Variants in GLIS3 observed in about 807,000 individuals in gnomAD.
GLIS3 encodes zinc finger protein GLIS3.
Under a neutral mutation model 78.6 loss-of-function variants are expected in GLIS3, and 53 were observed. The ratio of observed to expected loss-of-function variants is 0.67; its 90% CI spans 0.54 to 0.85. GLIS3 has a LOEUF of 0.85. GLIS3 is among the 40% of genes least tolerant of loss of function. The probability of loss-of-function intolerance (pLI) is 0.00; values close to 1 mark genes in which losing one functional copy is unlikely to be tolerated. For missense variants in GLIS3, 1,703 were observed against 1,231.1 expected, an observed-to-expected ratio of 1.38 and a Z score of -5.74; for synonymous variants, 684 against 509.9, an observed-to-expected ratio of 1.34 and a Z score of -4.60.
chr9:4,243,603 G>A (rs991163263), intron 2 of GLIS3, among the ~76,000 whole-genome samples: 1 of 152,176 alleles, frequency 6.6e-6, no homozygotes, highest in Non-Finnish European at 1.5e-5. Context: ...ATATAGCCTA[G>A]ACCTTGGAAG....
At chr9:4,435,451 C>T in the GLIS3 span, among the ~76,000 whole-genome samples, 1 of 152,144 alleles carries the variant, frequency 6.6e-6, no homozygotes, top group African/African-American at 2.4e-5. Context: ...CCTCAGCCTG[C>T]CAGACCAATT....
At chr9:4,486,163 G>A in the GLIS3 span, among the ~76,000 whole-genome samples, 1 of 152,108 alleles carries the variant, frequency 6.6e-6, no homozygotes, top group Non-Finnish European at 1.5e-5. Context: ...AGGAGCTTTA[G>A]GTGTTGTTGG....
At chr9:3,875,026 A>C (rs1821224036) in intron 8 of GLIS3, among the ~76,000 whole-genome samples, 1 of 152,204 alleles carries the variant, frequency 6.6e-6, no homozygotes, top group African/African-American at 2.4e-5. Flanking sequence ...CAGAGGATTT[A>C]TTCTTGGAAT....
At chr9:4,423,012 A>AG in the GLIS3 span, among the ~76,000 whole-genome samples, 1 of 152,250 alleles carries the variant, frequency 6.6e-6, no homozygotes, top group African/African-American at 2.4e-5. Context: ...GTGTGTTCTA[A>AG]GGGTCAGGTG....
chr9:4,484,051 C>T, the GLIS3 span, among the ~76,000 whole-genome samples: 1 of 152,104 alleles, frequency 6.6e-6, no homozygotes. Flanking sequence ...GTTGTTATTA[C>T]CAGCTAAAAT....
chr9:4,289,107 A>G (rs2130370304), intron 1 of GLIS3, among the ~76,000 whole-genome samples: 1 of 152,346 alleles, frequency 6.6e-6, no homozygotes, highest in Admixed American at 6.5e-5. Flanking sequence ...AGACCCTCAT[A>G]GAGTGTGAAT....
At chr9:4,012,765 C>CTTTTTTTT (rs71324278) in intron 4 of GLIS3, among the ~76,000 whole-genome samples, 67 of 66,474 alleles carry the variant, frequency 1.0e-3, no homozygotes, top group South Asian at 2.3e-3. Context: ...TTTTCTTTTT[C>CTTTTTTTT]TTTTTTTTTT....
chr9:3,926,235 T>TG (rs886621743), intron 6 of GLIS3, among the ~76,000 whole-genome samples: 11 of 148,342 alleles, frequency 7.4e-5, no homozygotes, highest in African/African-American at 2.7e-4. Flanking sequence ...TTTCTTTTGT[T>TG]TTTTTTTTTT....
At chr9:3,913,231 T>G (rs1393505934) in intron 6 of GLIS3, among the ~76,000 whole-genome samples, 1 of 152,192 alleles carries the variant, frequency 6.6e-6, no homozygotes, top group Non-Finnish European at 1.5e-5. Context: ...AAGGCTGATT[T>G]TCATGTGCAG....
intron 9 of GLIS3, among the ~76,000 whole-genome samples, chr9:3,848,620 T>C (rs1335683978): frequency 1.3e-5 from 2 of 152,242 alleles, no homozygotes; most frequent in African/African-American, 2.4e-5. Context: ...GAAAGTACCA[T>C]TGCACAATCA....
chr9:3,874,094 C>T lies in GLIS3; in HGVS notation c.2297+5333G>A, dbSNP rs73384234. 2.7e-3 allele frequency among the ~76,000 whole-genome samples: 412 copies of T among 152,314 alleles called. 4 individuals carry two copies. Among genetic ancestry groups the T allele is most frequent in the African/African-American group, 8.6e-3 (357 of 41,578 alleles). On this transcript the variant is annotated intron_variant, in intron 8 of 10. Coordinates refer to ENST00000381971, the MANE Select transcript of GLIS3 (RefSeq NM_001042413.2). Reference sequence around the variant, plus strand: ...TGCTAATTAGTTGACTGATGGCTGGCAGCCTCTGGCTGCCTGAAAGAATGA... The same window carrying T: ...TGCTAATTAGTTGACTGATGGCTGGTAGCCTCTGGCTGCCTGAAAGAATGA...
At chr9:4,275,411 G>C (rs1157771740) in intron 2 of GLIS3, among the ~76,000 whole-genome samples, 2 of 152,254 alleles carry the variant, frequency 1.3e-5, no homozygotes, top group East Asian at 3.9e-4. Flanking sequence ...AACTCCTATA[G>C]CAAAAGATCT....
At chr9:4,240,954 AGTGTGTGT>A (rs3063675) in intron 2 of GLIS3, among the ~76,000 whole-genome samples, 3 of 151,802 alleles carry the variant, frequency 2.0e-5, no homozygotes, top group Admixed American at 6.6e-5. Context: ...AATATGTATG[AGTGTGTGT>A]GTGTGTGTGT....
intron 2 of GLIS3, among the ~76,000 whole-genome samples, chr9:4,198,990 A>G (rs916206804): frequency 5.9e-5 from 9 of 152,172 alleles, no homozygotes; most frequent in African/African-American, 2.2e-4. Context: ...GAGAAATAAA[A>G]TCTTTTCCAA....
intron 7 of GLIS3, among the ~76,000 whole-genome samples, chr9:3,885,898 T>G (rs1403232240): frequency 6.6e-6 from 1 of 152,224 alleles, no homozygotes; most frequent in East Asian, 1.9e-4. Context: ...AATCTTAGCC[T>G]TAGCTATTAA....
intron 2 of GLIS3, among the ~76,000 whole-genome samples, chr9:4,334,904 CTTTTTTTTTTTTTT>C (rs56017714): frequency 9.3e-6 from 1 of 107,030 alleles, no homozygotes; most frequent in Non-Finnish European, 1.7e-5. Flanking sequence ...TCATTTCCAC[CTTTTTTTTTTTTTT>C]TTTTTTTTGA....
At chr9:4,033,892 T>C (rs974425988) in intron 4 of GLIS3, among the ~76,000 whole-genome samples, 8 of 53,620 alleles carry the variant, frequency 1.5e-4, no homozygotes, top group African/African-American at 2.4e-4. Flanking sequence ...AAAAAAAAAC[T>C]AGAATGAGAT....
At chr9:4,459,717 G>A in the GLIS3 span, among the ~76,000 whole-genome samples, 1 of 152,162 alleles carries the variant, frequency 6.6e-6, no homozygotes, top group Admixed American at 6.5e-5. Context: ...ATGAGCCCAG[G>A]AGGTCAAGTG....
At chr9:3,976,985 G>C (rs923348389) in intron 4 of GLIS3, among the ~76,000 whole-genome samples, 1 of 150,960 alleles carries the variant, frequency 6.6e-6, no homozygotes, top group Admixed American at 6.6e-5. Context: ...GAATAATCAT[G>C]ACAGATGGCT....
Sources: allele counts gnomAD v4.1 joint callset (sites outside exome capture counted in the v4.1 genomes callset), GRCh38; gene constraint gnomAD v4.1.1; transcripts MANE v1.5; gene names NCBI Gene and HGNC (gene_info 2026-07-23, HGNC 2026-07-21).